The following B3GLCT variants were observed in gnomAD, a reference collection of about 807,000 sequenced individuals.
B3GLCT encodes beta 3-glucosyltransferase, also known as beta-1,3-glucosyltransferase.
Under a neutral mutation model 63.4 loss-of-function variants are expected in B3GLCT, and 65 were observed. That is an observed-to-expected ratio of 1.03 (90% CI 0.84 to 1.26). B3GLCT has a LOEUF of 1.26. B3GLCT is among the 50% of genes most tolerant of loss of function. The pLI is 0.00. For synonymous variants in B3GLCT, 233 were observed against 219.2 expected (o/e 1.06, Z -0.55); for missense variants, 577 against 604.8 (o/e 0.95, Z 0.48).
At chr13:31,329,109 C>A (rs188141086) in intron 14 of B3GLCT, among the ~76,000 whole-genome samples, 4 of 152,270 alleles carry the variant, frequency 2.6e-5, no homozygotes, top group South Asian at 2.1e-4. Context: ...CCCAGCCCCC[C>A]ACAACAAACT....
intron 1 of B3GLCT, among the ~76,000 whole-genome samples, chr13:31,212,330 A>G (rs1345090308): frequency 2.2e-5 from 3 of 139,068 alleles, no homozygotes; most frequent in Non-Finnish European, 4.5e-5. Flanking sequence ...GCTGGAGTGC[A>G]GTGGCATGAT....
intron 4 of B3GLCT, among the ~76,000 whole-genome samples, chr13:31,234,932 G>A (rs1870573396): frequency 6.6e-6 from 1 of 152,226 alleles, no homozygotes; most frequent in Admixed American, 6.5e-5. Context: ...AGGGAGAATG[G>A]CATTAAGAGA....
intron 1 of B3GLCT, among the ~76,000 whole-genome samples, chr13:31,212,167 G>A (rs1869296781): frequency 6.7e-6 from 1 of 149,300 alleles, no homozygotes; most frequent in South Asian, 2.2e-4. Flanking sequence ...ATAGTGGCAT[G>A]ATTATAGCTC....
chr13:31,259,633 A>G (rs889988062), intron 6 of B3GLCT, among the ~76,000 whole-genome samples: 3 of 151,466 alleles, frequency 2.0e-5, no homozygotes, highest in Admixed American at 6.6e-5. Flanking sequence ...TTCTCTTTCA[A>G]GGTCTCCAGC....
rs533359057 is a variant in B3GLCT at position 31,315,656 on chromosome 13, G to A, written c.1065-1910G>A. ...GGTGAAAAAGAAAACCCCATTTTCT[G>A]GGGAGAAATTCAAGCCAGCTGCAGA... is the stretch of plus-strand genomic sequence containing the variant. On this transcript the variant is annotated intron_variant, in intron 12 of 14. Coordinates refer to ENST00000343307, the MANE Select transcript of B3GLCT (RefSeq NM_194318.4). 4.6e-5 allele frequency among the ~76,000 whole-genome samples: 7 copies of A among 152,356 alleles called. No homozygotes were observed. The South Asian group carries it at 1.4e-3, about 32-fold the overall frequency.
At chr13:31,283,359 G>A (rs529644171) in intron 10 of B3GLCT, 134 of 152,284 alleles carry the variant, frequency 8.8e-4, no homozygotes, top group African/African-American at 3.1e-3. Flanking sequence ...CAGTGCCAAG[G>A]TTAACATTTT....
chr13:31,271,424 A>C (rs1872571422), intron 8 of B3GLCT, among the ~76,000 whole-genome samples: 1 of 152,188 alleles, frequency 6.6e-6, no homozygotes, highest in African/African-American at 2.4e-5. Flanking sequence ...CATTGCTTCT[A>C]TGAATATTTT....
At chr13:31,290,791 T>G (rs934400948) in intron 12 of B3GLCT, among the ~76,000 whole-genome samples, 2 of 152,206 alleles carry the variant, frequency 1.3e-5, no homozygotes, top group Admixed American at 1.3e-4. Context: ...TTGCAAAAAT[T>G]TTCTCCCATT....
At chr13:31,231,826 G>A (rs547560846) in intron 4 of B3GLCT, among the ~76,000 whole-genome samples, 1 of 152,290 alleles carries the variant, frequency 6.6e-6, no homozygotes, top group East Asian at 1.9e-4. Flanking sequence ...GGCTGGGTAT[G>A]CCTGCTTCTT....
intron 1 of B3GLCT, among the ~76,000 whole-genome samples, chr13:31,213,608 A>ACCCCCCCCCCCCCC (rs1237901111): frequency 1.4e-3 from 72 of 51,288 alleles, no homozygotes; most frequent in Admixed American, 2.5e-3. Flanking sequence ...ACAAAACAAC[A>ACCCCCCCCCCCCCC]CCCCCCCACC....
At chr13:31,224,317 T>C (rs1869982676) in intron 3 of B3GLCT, among the ~76,000 whole-genome samples, 1 of 152,220 alleles carries the variant, frequency 6.6e-6, no homozygotes, top group Non-Finnish European at 1.5e-5. Context: ...TGGGAGCAGA[T>C]GAGTCTCTGG....
At chr13:31,293,481 G>C (rs1873781502) in intron 12 of B3GLCT, among the ~76,000 whole-genome samples, 1 of 152,176 alleles carries the variant, frequency 6.6e-6, no homozygotes, top group Admixed American at 6.5e-5. Flanking sequence ...GAATCTGGAT[G>C]CTCCGGTATT....
chr13:31,329,169 T>G (rs1318757858), intron 14 of B3GLCT, among the ~76,000 whole-genome samples: 2 of 152,200 alleles, frequency 1.3e-5, no homozygotes. Context: ...TTTTCTGTCT[T>G]TGTGCAGAAG....
chr13:31,219,448 G>A (rs1869714664), intron 2 of B3GLCT, among the ~76,000 whole-genome samples: 1 of 152,080 alleles, frequency 6.6e-6, no homozygotes. Flanking sequence ...GCAATAATGA[G>A]GATCATTTGT....
At chr13:31,200,791 C>G (rs1284357100) in intron 1 of B3GLCT, among the ~76,000 whole-genome samples, 2 of 152,066 alleles carry the variant, frequency 1.3e-5, no homozygotes, top group African/African-American at 4.8e-5. Context: ...GGATTCCGAC[C>G]CGGAGGAGGA....
chr13:31,230,813 TC>T (rs1870341105), intron 4 of B3GLCT, among the ~76,000 whole-genome samples: 1 of 152,012 alleles, frequency 6.6e-6, no homozygotes, highest in Admixed American at 6.5e-5. Flanking sequence ...ATCGAGACCA[TC>T]CTGGCCAATA....
chr13:31,208,576 C>T lies in B3GLCT; in HGVS notation c.71-6475C>T, dbSNP rs1368185367. On this transcript the variant is annotated intron_variant, in intron 1 of 14. Coordinates refer to ENST00000343307, the MANE Select transcript of B3GLCT (RefSeq NM_194318.4). ...CTCCCTTCCCGTCTCACCCCCCACC[C>T]GGGTGCTCTGTCTCAGAGCCTGCAG... 4.2e-5 allele frequency among the ~76,000 whole-genome samples: 6 copies of T among 142,266 alleles called. No homozygotes were observed. In the East Asian group the frequency reaches 6.5e-4, roughly 15 times the overall value. The allele number at this position is 142,266 out of a possible 152,430, so 93.3% of individuals were successfully genotyped here.
chr13:31,266,349 A>G (rs1872323014), intron 7 of B3GLCT, among the ~76,000 whole-genome samples: 1 of 152,136 alleles, frequency 6.6e-6, no homozygotes, highest in African/African-American at 2.4e-5. Context: ...AAAATTAGGA[A>G]AGCTAAGTAC....
At chr13:31,205,229 G>C (rs1868884301) in intron 1 of B3GLCT, among the ~76,000 whole-genome samples, 1 of 151,148 alleles carries the variant, frequency 6.6e-6, no homozygotes, top group Admixed American at 6.6e-5. Context: ...GTGGCAATTT[G>C]AGTAGGTTTT....
Sources: allele counts gnomAD v4.1 joint callset (sites outside exome capture counted in the v4.1 genomes callset), GRCh38; gene constraint gnomAD v4.1.1; transcripts MANE v1.5; gene names NCBI Gene and HGNC (gene_info 2026-07-23, HGNC 2026-07-21).